The following BCORL1 variants were observed in gnomAD, a reference collection of about 807,000 sequenced individuals.
The protein encoded by BCORL1 is BCL-6 corepressor-like protein 1.
BCORL1 carries 7 observed loss-of-function variants against 87.6 expected under a neutral mutation model. The observed-to-expected ratio is 0.08, with a 90% CI of 0.05 to 0.15. The LOEUF is 0.15. Ranked by LOEUF, BCORL1 falls within the 10% of genes least tolerant of loss-of-function variation. The pLI, the probability that BCORL1 is intolerant of heterozygous loss-of-function variation, is 1.00. For missense variants in BCORL1, 1,215 were observed against 1,499.7 expected (o/e 0.81, Z 3.13); for synonymous variants, 591 against 634.4 (o/e 0.93, Z 1.03).
intron 8 of BCORL1, among the ~76,000 whole-genome samples, chrX:130,033,150 T>G (rs1930730090): frequency 9.2e-6 from 1 of 108,152 alleles, no homozygotes; most frequent in Non-Finnish European, 1.9e-5. Context: ...GCCGCAATCT[T>G]GGCATACTGC....
intron 1 of BCORL1, among the ~76,000 whole-genome samples, chrX:129,998,449 G>A (rs1472613854): frequency 1.8e-5 from 2 of 111,530 alleles, no homozygotes; most frequent in African/African-American, 3.3e-5. Context: ...AACCAGCAGC[G>A]CTTACGAAGT....
rs767106295 is a variant in BCORL1 at position 130,051,975 on chromosome X, T to G, written c.5034T>G (p.Pro1678=). 8.3e-7 allele frequency: 1 copy of G among 1,207,310 alleles called. No homozygotes were observed. The highest frequency in any genetic ancestry group is 1.1e-6 in the Non-Finnish European group (1 of 893,222). The change falls in exon 13 of 14, where the codon CCT becomes CCG. Residue 1678 remains proline (P), a synonymous_variant. Transcript: ENST00000540052. ...TCATGTTTGAACTCTCAGACAAGCC[T>G]CTTCTCCCTTGCTACAACCTCCAAG... ...DDFMFELSDK[P]LLPCYNLQVS... is the part of the protein sequence containing the mutation.
At chrX:130,049,234 G>A (rs1209148582) in intron 11 of BCORL1, among the ~76,000 whole-genome samples, 1 of 112,520 alleles carries the variant, frequency 8.9e-6, no homozygotes, top group Non-Finnish European at 1.9e-5. Flanking sequence ...CTTTTCCACA[G>A]CAGCTGAACC....
At chrX:130,023,457 C>G (rs1212154684) in intron 6 of BCORL1, among the ~76,000 whole-genome samples, 2 of 111,997 alleles carry the variant, frequency 1.8e-5, no homozygotes, top group Non-Finnish European at 3.8e-5. Flanking sequence ...TGGTCAACCT[C>G]TAGGGACTAA....
At chrX:130,004,656 C>T (rs1312383492) in intron 1 of BCORL1, among the ~76,000 whole-genome samples, 2 of 111,840 alleles carry the variant, frequency 1.8e-5, no homozygotes, top group Non-Finnish European at 3.8e-5. Flanking sequence ...AGGTTAGATA[C>T]GTGTGTTATT....
chrX:130,056,259 G>C lies in BCORL1; in HGVS notation c.*123G>C. ...CAATAATACGGACCAACAAGAAGCC[G>C]CCTTATCAATGCCAGCATTAGCGAC... On this transcript the variant is annotated 3_prime_UTR_variant, in exon 14 of 14. Transcript: ENST00000540052. 1.3e-6 allele frequency: 1 copy of C among 767,370 alleles called. No homozygotes were observed. 63.2% of individuals were successfully genotyped at this position (767,370 alleles called of 1,213,427 possible).
chrX:130,021,857 G>A (rs941368083), intron 5 of BCORL1, among the ~76,000 whole-genome samples: 1 of 110,993 alleles, frequency 9.0e-6, no homozygotes, highest in Non-Finnish European at 1.9e-5. Context: ...GCACAATATC[G>A]GTTCACTGCA....
chrX:130,043,660 C>T (rs752750847), intron 11 of BCORL1, among the ~76,000 whole-genome samples: 10 of 100,916 alleles, frequency 9.9e-5, no homozygotes, highest in East Asian at 6.3e-4. Context: ...CCGCAACCTC[C>T]GCCTCCCAGG....
chrX:130,041,061 A>T (rs181489133), intron 11 of BCORL1, among the ~76,000 whole-genome samples: 44 of 110,713 alleles, frequency 4.0e-4, no homozygotes, highest in African/African-American at 1.4e-3. Flanking sequence ...TGTGGAAACC[A>T]TTTTAAGTAG....
Position 130,053,179 on chromosome X carries a change from T to C in BCORL1, c.5075+1163T>C, listed in dbSNP as rs1191128607. Among the ~76,000 whole-genome samples, 3 of 111,604 alleles carry C rather than the reference T, an allele frequency of 2.7e-5. No homozygotes were observed. The East Asian group carries it at 8.4e-4, about 31-fold the overall frequency. ...AATAAAATAAGTCAGTGAACCAGCA[T>C]GATGTGCACAGGATGGGGAGCTAGG... On this transcript the variant is annotated intron_variant, in intron 13 of 13. Coordinates refer to ENST00000540052, the MANE Select transcript of BCORL1 (RefSeq NM_001379451.1).
chrX:130,006,422 G>A (rs1287901742), intron 2 of BCORL1, among the ~76,000 whole-genome samples: 5 of 105,324 alleles, frequency 4.7e-5, no homozygotes, highest in East Asian at 3.0e-4. Context: ...GTGCAGTGGC[G>A]CGATCTCGGC....
At chrX:129,988,661 T>C (rs1187811486) in intron 1 of BCORL1, among the ~76,000 whole-genome samples, 3 of 111,724 alleles carry the variant, frequency 2.7e-5, no homozygotes, top group Non-Finnish European at 5.6e-5. Context: ...TGAAGGTCCG[T>C]GAGGAATCCA....
At chrX:130,018,093 G>A (rs763249163) in intron 4 of BCORL1, among the ~76,000 whole-genome samples, 5 of 112,276 alleles carry the variant, frequency 4.5e-5, no homozygotes, top group Admixed American at 9.4e-5. Context: ...AGCCAGACAC[G>A]GAGCCTGGGT....
chrX:130,024,975 A>G lies in BCORL1; in HGVS notation c.3689-15A>G. On this transcript the variant is annotated splice_polypyrimidine_tract_variant and intron_variant, in intron 6 of 13. Coordinates refer to ENST00000540052, the MANE Select transcript of BCORL1 (RefSeq NM_001379451.1). ...GAAGAAGTACCTGACCATCCTCTGT[A>G]CATCCCATCCACAGGAAGCATCTGT... 2 of 1,207,319 alleles carry G rather than the reference A, an allele frequency of 1.7e-6. No individual in the cohort carries two copies.
chrX:130,005,642 G>T (rs1928427499), intron 2 of BCORL1, among the ~76,000 whole-genome samples: 1 of 110,750 alleles, frequency 9.0e-6, no homozygotes, highest in African/African-American at 3.3e-5. Context: ...TTGAGACAGA[G>T]CCTCGCTTTG....
At chrX:129,994,780 C>T (rs1309730184) in intron 1 of BCORL1, among the ~76,000 whole-genome samples, 3 of 106,377 alleles carry the variant, frequency 2.8e-5, no homozygotes, top group Admixed American at 9.9e-5. Flanking sequence ...GGGTAGATAT[C>T]AGTGGAAATA....
chrX:130,001,550 G>A (rs1048166138), intron 1 of BCORL1, among the ~76,000 whole-genome samples: 13 of 111,447 alleles, frequency 1.2e-4, no homozygotes, highest in African/African-American at 3.9e-4. Flanking sequence ...AACTGAACTC[G>A]GGCTGGGGCT....
chrX:130,035,415 T>C (rs1429356155), intron 9 of BCORL1, among the ~76,000 whole-genome samples: 8 of 112,468 alleles, frequency 7.1e-5, no homozygotes, highest in Non-Finnish European at 1.3e-4. Flanking sequence ...GACGTTTCCA[T>C]TGTTCCCCAC....
chrX:130,002,501 G>A lies in BCORL1; in HGVS notation c.-44-2687G>A, dbSNP rs1183086245. ...AAGAGACAGAGGGAGACCGGGGAGG[G>A]ACCGGAAGAGGGAGACTGAAGGCCA... On this transcript the variant is annotated intron_variant, in intron 1 of 13. Transcript: ENST00000540052. Among the ~76,000 whole-genome samples the A allele has an allele frequency of 4.1e-5, 4 of 96,795 alleles. No individual in the cohort carries two copies. In the East Asian group the frequency reaches 1.4e-3, roughly 34 times the overall value. The allele number at this position is 96,795 out of a possible 115,157, so 84.1% of individuals were successfully genotyped here. A position where few individuals can be genotyped will look rare whatever the true frequency, so the allele number is the denominator to read the frequency against.
Sources: allele counts gnomAD v4.1 joint callset (sites outside exome capture counted in the v4.1 genomes callset), GRCh38; gene constraint gnomAD v4.1.1; transcripts MANE v1.5; gene names NCBI Gene and HGNC (gene_info 2026-07-23, HGNC 2026-07-21).